Variants in LHFPL3 observed in about 807,000 individuals in gnomAD.
LHFPL3 encodes LHFPL tetraspan subfamily member 3, also known as LHFPL tetraspan subfamily member 3 protein.
LHFPL3 carries 5 observed loss-of-function variants against 19.3 expected under a neutral mutation model. The observed-to-expected ratio is 0.26, with a 90% CI of 0.14 to 0.54. The LOEUF (loss-of-function observed/expected upper bound fraction) is 0.54. LHFPL3 is among the 20% of genes least tolerant of loss of function. The probability of loss-of-function intolerance (pLI) is 0.94; values close to 1 mark genes in which losing one functional copy is unlikely to be tolerated. For synonymous variants in LHFPL3, 133 were observed against 126.2 expected, an observed-to-expected ratio of 1.05 and a Z score of -0.36; for missense variants, 249 against 307.4, an observed-to-expected ratio of 0.81 and a Z score of 1.42.
At chr7:104,542,800 G>A (rs911601809) in intron 1 of LHFPL3, among the ~76,000 whole-genome samples, 14 of 152,092 alleles carry the variant, frequency 9.2e-5, no homozygotes, top group African/African-American at 3.4e-4. Flanking sequence ...TCCCATTACT[G>A]AGTATATACC....
intron 1 of LHFPL3, among the ~76,000 whole-genome samples, chr7:104,473,265 G>A (rs1342923292): frequency 6.6e-6 from 1 of 152,106 alleles, no homozygotes; most frequent in East Asian, 1.9e-4. Context: ...ATTTATGGTT[G>A]GCTTTTCTAA....
At chr7:104,832,027 A>G (rs1790962283) in intron 2 of LHFPL3, among the ~76,000 whole-genome samples, 1 of 151,912 alleles carries the variant, frequency 6.6e-6, no homozygotes, top group African/African-American at 2.4e-5. Context: ...ACTATGTAAA[A>G]TTTGCAACCT....
At chr7:104,744,757 AC>A (rs2116326695) in intron 2 of LHFPL3, among the ~76,000 whole-genome samples, 1 of 151,592 alleles carries the variant, frequency 6.6e-6, no homozygotes, top group African/African-American at 2.4e-5. Flanking sequence ...TTAACTACTG[AC>A]CCCATCTTGA....
intron 1 of LHFPL3, among the ~76,000 whole-genome samples, chr7:104,459,030 G>T (rs1645370844): frequency 2.0e-5 from 3 of 152,220 alleles, no homozygotes; most frequent in Admixed American, 1.3e-4. Flanking sequence ...TCAGGCTGTG[G>T]CAGGCAGCTG....
intron 1 of LHFPL3, chr7:104,669,456 T>G: frequency 6.2e-7 from 1 of 1,613,018 alleles, no homozygotes; most frequent in Non-Finnish European, 8.5e-7. Flanking sequence ...ACTCCAGATC[T>G]GCACCTGAGC....
intron 2 of LHFPL3, among the ~76,000 whole-genome samples, chr7:104,768,460 C>T (rs1348419010): frequency 6.6e-6 from 1 of 152,098 alleles, no homozygotes; most frequent in African/African-American, 2.4e-5. Flanking sequence ...TGCCCTGTCA[C>T]CCACACACCT....
intron 1 of LHFPL3, among the ~76,000 whole-genome samples, chr7:104,600,824 G>A (rs1790949746): frequency 6.6e-6 from 1 of 152,216 alleles, no homozygotes; most frequent in Admixed American, 6.5e-5. Flanking sequence ...GAGGTGCATG[G>A]AGGTGATGTA....
rs528278121 is a variant in LHFPL3 at position 104,794,251 on chromosome 7, G to A, written c.682+57340G>A. Among the ~76,000 whole-genome samples the A allele has an allele frequency of 8.5e-5, 13 of 152,246 alleles. No individual in the cohort carries two copies. The East Asian group carries it at 2.5e-3, about 29-fold the overall frequency. Reference sequence around the variant, plus strand: ...CACAAAATGAGATAGTGGACCAGAGGACCCCAGACCTGAAACTTCTTGGTG... The same window carrying A: ...CACAAAATGAGATAGTGGACCAGAGAACCCCAGACCTGAAACTTCTTGGTG... On this transcript the variant is annotated intron_variant, in intron 2 of 2. Transcript: ENST00000424859.
intron 2 of LHFPL3, among the ~76,000 whole-genome samples, chr7:104,747,884 A>G (rs1794079907): frequency 6.6e-6 from 1 of 152,224 alleles, no homozygotes. Flanking sequence ...CAGCTCTGTA[A>G]TCTTTTTTTC....
intron 1 of LHFPL3, among the ~76,000 whole-genome samples, chr7:104,603,106 CTTT>C (rs1791010069): frequency 4.6e-5 from 6 of 131,616 alleles, no homozygotes; most frequent in South Asian, 2.6e-4. Flanking sequence ...TTCTTTCTTT[CTTT>C]CTTTCTTTCT....
chr7:104,669,549 A>G, intron 1 of LHFPL3: 1 of 1,611,738 alleles, frequency 6.2e-7, no homozygotes, highest in Non-Finnish European at 8.5e-7. Flanking sequence ...GTGAAGATGA[A>G]AATGAGGGAG....
chr7:104,360,848 A>T (rs768688990), intron 1 of LHFPL3, among the ~76,000 whole-genome samples: 2 of 152,094 alleles, frequency 1.3e-5, no homozygotes, highest in Non-Finnish European at 2.9e-5. Context: ...AGACTCAAAG[A>T]TCCCCACTTT....
chr7:104,907,516 C>A lies in LHFPL3; in HGVS notation c.*1301C>A, dbSNP rs1792644008. Among the ~76,000 whole-genome samples the A allele has an allele frequency of 6.6e-6, 1 of 152,178 alleles. No individual in the cohort carries two copies. The highest frequency in any genetic ancestry group is 1.5e-5 in the Non-Finnish European group (1 of 68,018). ...GCTTCCCCCATCATCACCCTCACCA[C>A]ATATCCTGCTAATATCCAACAACAA... On this transcript the variant is annotated 3_prime_UTR_variant, in exon 3 of 3. Coordinates refer to ENST00000424859, the MANE Select transcript of LHFPL3 (RefSeq NM_199000.3).
intron 2 of LHFPL3, among the ~76,000 whole-genome samples, chr7:104,878,907 A>T (rs902282028): frequency 6.6e-6 from 1 of 152,228 alleles, no homozygotes; most frequent in African/African-American, 2.4e-5. Flanking sequence ...CTAGACAACT[A>T]AAACTTTTTC....
chr7:104,636,489 A>G (rs1791730822), intron 1 of LHFPL3, among the ~76,000 whole-genome samples: 1 of 152,140 alleles, frequency 6.6e-6, no homozygotes, highest in Non-Finnish European at 1.5e-5. Flanking sequence ...GGTACTAAGC[A>G]TAGTATCCAA....
intron 1 of LHFPL3, among the ~76,000 whole-genome samples, chr7:104,350,650 G>T (rs1028585923): frequency 3.3e-5 from 5 of 152,164 alleles, no homozygotes; most frequent in African/African-American, 4.8e-5. Flanking sequence ...CTTATGTTCC[G>T]CTGGGGACTG....
intron 1 of LHFPL3, among the ~76,000 whole-genome samples, chr7:104,352,156 C>A (rs1790189596): frequency 6.7e-6 from 1 of 149,864 alleles, no homozygotes; most frequent in South Asian, 2.1e-4. Flanking sequence ...CAGAGCGAGG[C>A]CCTGTATAAA....
intron 2 of LHFPL3, among the ~76,000 whole-genome samples, chr7:104,807,490 T>TC (rs1269961978): frequency 2.0e-5 from 3 of 152,208 alleles, no homozygotes; most frequent in African/African-American, 7.2e-5. Flanking sequence ...TGTATACGAC[T>TC]CCAACTCTCA....
chr7:104,739,925 T>C (rs1240451290), intron 2 of LHFPL3, among the ~76,000 whole-genome samples: 2 of 152,234 alleles, frequency 1.3e-5, no homozygotes, highest in African/African-American at 4.8e-5. Flanking sequence ...TCTGGCTCTC[T>C]TTCCCCATTG....
Sources: gnomAD v4.1 joint callset for allele counts (sites outside exome capture counted in the v4.1 genomes callset) on GRCh38, gnomAD v4.1.1 for gene constraint, MANE v1.5 for transcripts, NCBI Gene and HGNC (gene_info 2026-07-23, HGNC 2026-07-21) for gene names.